The following OPCML variants were observed in gnomAD, a reference collection of about 807,000 sequenced individuals.
The protein encoded by OPCML is opioid-binding protein/cell adhesion molecule.
OPCML carries 13 observed loss-of-function variants against 37.8 expected under a neutral mutation model. The ratio of observed to expected loss-of-function variants is 0.34; its 90% CI spans 0.22 to 0.55. The LOEUF (loss-of-function observed/expected upper bound fraction) is 0.55. OPCML is among the 20% of genes least tolerant of loss of function. The pLI is 0.91. For missense variants in OPCML, 341 were observed against 435.6 expected (o/e 0.78, Z 1.93); for synonymous variants, 176 against 168.8 (o/e 1.04, Z -0.33).
intron 3 of OPCML, among the ~76,000 whole-genome samples, chr11:132,644,431 C>G (rs906215402): frequency 2.0e-5 from 3 of 151,718 alleles, no homozygotes; most frequent in African/African-American, 7.3e-5. Context: ...ACCCGGGGAG[C>G]TGTTATGTTG....
chr11:132,482,555 C>T (rs1215340340), intron 4 of OPCML, among the ~76,000 whole-genome samples: 1 of 152,208 alleles, frequency 6.6e-6, no homozygotes, highest in Non-Finnish European at 1.5e-5. Context: ...AGGGAATCAT[C>T]CCTAACTCAT....
chr11:133,493,916 G>A (rs1460204548), intron 1 of OPCML, among the ~76,000 whole-genome samples: 3 of 151,422 alleles, frequency 2.0e-5, no homozygotes, highest in Admixed American at 1.3e-4. Flanking sequence ...CCATCAGAGT[G>A]AACAGGCAAC....
At position 133,212,267 on chromosome 11, in the gene OPCML, G is replaced by A. The variant is rs1211673929; in HGVS notation, c.62-269257C>T. Among the ~76,000 whole-genome samples, 1 of 152,112 alleles carries A rather than the reference G, an allele frequency of 6.6e-6. No individual in the cohort carries two copies. Among genetic ancestry groups the A allele is most frequent in the African/African-American group, 2.4e-5 (1 of 41,406 alleles). ...ATAGGTGCACAAAGTCCTCCTAATA[G>A]TCCGTGACAGCCTACACAGCTGGGC... On this transcript the variant is annotated intron_variant, in intron 1 of 7. Coordinates refer to ENST00000524381, the MANE Select transcript of OPCML (RefSeq NM_001012393.5). The surrounding 1 kb of genome is among the most constrained non-coding windows in gnomAD (Gnocchi z 4.9).
chr11:132,803,937 C>T (rs943585232), intron 2 of OPCML, among the ~76,000 whole-genome samples: 1 of 152,152 alleles, frequency 6.6e-6, no homozygotes, highest in African/African-American at 2.4e-5. Flanking sequence ...ATTTAGGATG[C>T]TTGCTAAGAA....
chr11:133,508,768 A>G (rs1359273817), intron 1 of OPCML, among the ~76,000 whole-genome samples: 2 of 151,144 alleles, frequency 1.3e-5, no homozygotes, highest in Non-Finnish European at 2.9e-5. Flanking sequence ...TCCACGCCGG[A>G]TGCAGCTGGG....
At chr11:132,505,422 G>A (rs943660392) in intron 4 of OPCML, among the ~76,000 whole-genome samples, 6 of 152,020 alleles carry the variant, frequency 3.9e-5, no homozygotes, top group African/African-American at 9.7e-5. Flanking sequence ...TAAAAAAATC[G>A]GCTTCCAGAA....
chr11:132,912,009 A>G (rs73602854), intron 2 of OPCML, among the ~76,000 whole-genome samples: 2,664 of 152,150 alleles, frequency 0.018, 71 homozygotes, highest in African/African-American at 0.061. Context: ...AAAATTTGGA[A>G]CTAATTGAGA....
intron 2 of OPCML, among the ~76,000 whole-genome samples, chr11:132,708,928 A>G (rs535005806): frequency 6.6e-6 from 1 of 152,336 alleles, no homozygotes; most frequent in African/African-American, 2.4e-5. Flanking sequence ...GCATATTTAA[A>G]TGGAATGGCC....
At chr11:132,420,994 TC>T (rs1565547600) in intron 7 of OPCML, among the ~76,000 whole-genome samples, 2 of 151,990 alleles carry the variant, frequency 1.3e-5, no homozygotes, top group African/African-American at 4.8e-5. Context: ...CTTCTCTCTC[TC>T]TCTCTCTCTG....
intron 2 of OPCML, among the ~76,000 whole-genome samples, chr11:132,659,104 A>G (rs1305099803): frequency 6.6e-6 from 1 of 152,184 alleles, no homozygotes; most frequent in Non-Finnish European, 1.5e-5. Flanking sequence ...TCATTATAGA[A>G]ATGTCATTGG....
At position 133,055,308 on chromosome 11, in the gene OPCML, A is replaced by G. The variant is rs563268374; in HGVS notation, c.62-112298T>C. 2.9e-3 allele frequency among the ~76,000 whole-genome samples: 429 copies of G among 149,730 alleles called. 3 individuals are homozygous for G. The highest frequency in any genetic ancestry group is 0.016 in the South Asian group (75 of 4,620). Reference sequence around the variant, plus strand: ...ACCTCTATCATACAATGCAGCCTCCATGATACTTCCAAGTAGTGAGACTCC... The same window carrying G: ...ACCTCTATCATACAATGCAGCCTCCGTGATACTTCCAAGTAGTGAGACTCC... On this transcript the variant is annotated intron_variant, in intron 1 of 7. Coordinates refer to ENST00000524381, the MANE Select transcript of OPCML (RefSeq NM_001012393.5).
At chr11:132,444,463 ATGGCT>A (rs1565567729) in intron 4 of OPCML, among the ~76,000 whole-genome samples, 9 of 152,284 alleles carry the variant, frequency 5.9e-5, no homozygotes, top group Admixed American at 3.9e-4. Flanking sequence ...GGGACCCAGT[ATGGCT>A]CATATAACCT....
At chr11:132,606,294 G>A (rs1466387608) in intron 3 of OPCML, among the ~76,000 whole-genome samples, 1 of 152,078 alleles carries the variant, frequency 6.6e-6, no homozygotes, top group Non-Finnish European at 1.5e-5. Context: ...AGATAAATGA[G>A]CAATTAGCAG....
chr11:132,954,541 A>G (rs1192580062), intron 1 of OPCML, among the ~76,000 whole-genome samples: 2 of 152,198 alleles, frequency 1.3e-5, no homozygotes, highest in East Asian at 3.9e-4. Flanking sequence ...TCCCAGAGAC[A>G]TAGTAAGAAT....
chr11:133,264,812 ATAAT>A (rs1448445685), intron 1 of OPCML, among the ~76,000 whole-genome samples: 1 of 152,186 alleles, frequency 6.6e-6, no homozygotes, highest in African/African-American at 2.4e-5. Flanking sequence ...TCAATATGTC[ATAAT>A]TAATCATAAA....
At chr11:132,887,534 G>A (rs1439892593) in intron 2 of OPCML, among the ~76,000 whole-genome samples, 1 of 152,202 alleles carries the variant, frequency 6.6e-6, no homozygotes, top group African/African-American at 2.4e-5. Context: ...CGCACAGCCT[G>A]AGTGTGACTC....
At chr11:133,365,044 TC>T in intron 1 of OPCML, among the ~76,000 whole-genome samples, 2 of 118,848 alleles carry the variant, frequency 1.7e-5, no homozygotes, top group African/African-American at 7.2e-5. Flanking sequence ...TATCTCTCTC[TC>T]TTTCACACAC....
At chr11:133,076,520 A>AG (rs1237847514) in intron 1 of OPCML, among the ~76,000 whole-genome samples, 64 of 152,328 alleles carry the variant, frequency 4.2e-4, no homozygotes, top group African/African-American at 1.5e-3. Context: ...GTAGAATTCT[A>AG]GGCCAGAATT....
intron 2 of OPCML, among the ~76,000 whole-genome samples, chr11:132,662,412 C>CAAAAAAAAAA: frequency 8.3e-6 from 1 of 119,936 alleles, no homozygotes; most frequent in African/African-American, 2.9e-5. Context: ...TTTGAAAATG[C>CAAAAAAAAAA]AAAAAAAAAA....
Sources: gnomAD v4.1 joint callset for allele counts (sites outside exome capture counted in the v4.1 genomes callset) on GRCh38, gnomAD v4.1.1 for gene constraint, Gnocchi (gnomAD v3.1) non-coding constraint, MANE v1.5 for transcripts, NCBI Gene and HGNC (gene_info 2026-07-23, HGNC 2026-07-21) for gene names.